ALG9: variants seen among roughly 807,000 people sequenced by gnomAD.
ALG9 encodes the protein alpha-1,2-mannosyltransferase ALG9.
In ALG9, 55 loss-of-function variants were observed where a neutral mutation model predicts 81.8. The observed-to-expected ratio is 0.67, with a 90% CI of 0.54 to 0.84. ALG9 has a LOEUF of 0.84. Ranked by LOEUF, ALG9 falls within the 40% of genes least tolerant of loss-of-function variation. ALG9 has a pLI of 0.00. For missense variants in ALG9, 629 were observed against 745.0 expected (o/e 0.84, Z 1.81); for synonymous variants, 278 against 274.3 (o/e 1.01, Z -0.13).
At chr11:111,794,970 A>C (rs1324010071) in intron 14 of ALG9, among the ~76,000 whole-genome samples, 2 of 152,224 alleles carry the variant, frequency 1.3e-5, no homozygotes, top group Non-Finnish European at 2.9e-5. Flanking sequence ...TGGAGCAAAA[A>C]TGTGACTGTT....
chr11:111,819,825 ATACACCTGGTGCCTGG>A (rs1952043238), intron 13 of ALG9, among the ~76,000 whole-genome samples: 1 of 152,192 alleles, frequency 6.6e-6, no homozygotes, highest in Admixed American at 6.5e-5. Flanking sequence ...TATAAGCACA[ATACACCTGGTGCCTGG>A]TACAGTACCT....
chr11:111,847,927 C>G (rs1957166152), intron 8 of ALG9, among the ~76,000 whole-genome samples: 1 of 152,198 alleles, frequency 6.6e-6, no homozygotes, highest in African/African-American at 2.4e-5. Flanking sequence ...TAGATTGGAT[C>G]CTATCTTCTC....
chr11:111,825,031 A>T lies in ALG9; in HGVS notation c.1602+11134T>A, dbSNP rs1437709515. ...AATCTGCCAAATACCAACCTCTGTC[A>T]ATTTACATTAGAAACAAACGACAGG... is the stretch of plus-strand genomic sequence containing the variant. On this transcript the variant is annotated intron_variant, in intron 13 of 14. Transcript: ENST00000616540. Among the ~76,000 whole-genome samples, 7 of 152,318 alleles carry T rather than the reference A, an allele frequency of 4.6e-5. No individual in the cohort carries two copies. In the East Asian group the frequency reaches 1.3e-3, roughly 29 times the overall value.
Position 111,785,354 on chromosome 11 carries a change from T to C in ALG9, c.*1043A>G, listed in dbSNP as rs1014037482. 1.3e-5 allele frequency: 2 copies of C among 152,296 alleles called. No homozygotes were observed. Among genetic ancestry groups the C allele is most frequent in the South Asian group, 4.1e-4 (2 of 4,838 alleles). 9.4% of individuals were successfully genotyped at this position (152,296 alleles called of 1,614,324 possible). A position where few individuals can be genotyped will look rare whatever the true frequency, so the allele number is the denominator to read the frequency against. On this transcript the variant is annotated 3_prime_UTR_variant, in exon 15 of 15. Transcript: ENST00000616540. ...CTGACTGTAAAGGCTTTTAAAGTAA[T>C]AGTATACACTTATCACATTTTAATT... is the stretch of plus-strand genomic sequence containing the variant.
intron 1 of ALG9, chr11:111,870,659 C>T: frequency 1.1e-6 from 1 of 881,706 alleles, no homozygotes; most frequent in Non-Finnish European, 1.4e-6. Context: ...GAAGAATTGA[C>T]TTTAATCACT....
At chr11:111,858,706 C>T (rs1959103263) in intron 5 of ALG9, among the ~76,000 whole-genome samples, 1 of 152,166 alleles carries the variant, frequency 6.6e-6, no homozygotes, top group South Asian at 2.1e-4. Flanking sequence ...TCTGCCTCTT[C>T]TGCTGCAGAA....
At chr11:111,860,057 T>C (rs1390798499) in intron 5 of ALG9, among the ~76,000 whole-genome samples, 1 of 152,106 alleles carries the variant, frequency 6.6e-6, no homozygotes, top group Non-Finnish European at 1.5e-5. Context: ...CAGCAGAAGA[T>C]GCACATAGAA....
At chr11:111,813,894 G>A (rs1555094241) in intron 13 of ALG9, among the ~76,000 whole-genome samples, 1 of 152,098 alleles carries the variant, frequency 6.6e-6, no homozygotes, top group African/African-American at 2.4e-5. Flanking sequence ...AAAACTATTT[G>A]GCAAAATCTA....
intron 4 of ALG9, among the ~76,000 whole-genome samples, chr11:111,863,321 G>A (rs1207643078): frequency 1.3e-5 from 2 of 152,062 alleles, no homozygotes; most frequent in Admixed American, 1.3e-4. Flanking sequence ...TCATGCCACT[G>A]CACTCCAGCC....
At position 111,804,950 on chromosome 11, in the gene ALG9, C is replaced by T. The variant is rs61899417; in HGVS notation, c.1733+4693G>A. ...CTTACCATACAATCCAGCAATCATA[C>T]GCCTTGGTATTACCCAAAGGAGTTG... On this transcript the variant is annotated intron_variant, in intron 14 of 14. Transcript: ENST00000616540. 1,579 of 192,812 alleles carry T rather than the reference C, an allele frequency of 8.2e-3. 8 individuals are homozygous for T. The highest frequency in any genetic ancestry group is 0.013 in the African/African-American group (558 of 42,272). 11.9% of individuals were successfully genotyped at this position (192,812 alleles called of 1,614,324 possible). A position where few individuals can be genotyped will look rare whatever the true frequency, so the allele number is the denominator to read the frequency against.
At position 111,788,188 on chromosome 11, in the gene ALG9, G is replaced by A. The variant is rs149416462; in HGVS notation, c.1734-1668C>T. 2.1e-3 allele frequency among the ~76,000 whole-genome samples: 322 copies of A among 152,310 alleles called. 6 individuals carry two copies. The South Asian group carries it at 0.029, about 14-fold the overall frequency. ...TAAATGTCATGTCAACGTGGCATTT[G>A]TACTGGCAGCCTAACCTTGGGTTTG... On this transcript the variant is annotated intron_variant, in intron 14 of 14. Coordinates refer to ENST00000616540, the MANE Select transcript of ALG9 (RefSeq NM_024740.2).
At chr11:111,857,102 C>T (rs1345454579) in intron 6 of ALG9, among the ~76,000 whole-genome samples, 5 of 151,764 alleles carry the variant, frequency 3.3e-5, no homozygotes, top group East Asian at 1.9e-4. Context: ...AGTGAAACTC[C>T]GTCTCAAAAT....
intron 8 of ALG9, 134 bp downstream of exon 8, chr11:111,853,246 A>C: frequency 1.4e-6 from 1 of 732,586 alleles, no homozygotes; most frequent in Non-Finnish European, 2.5e-6. Flanking sequence ...CTCAGATGTC[A>C]TTTTTAAATA....
intron 13 of ALG9, among the ~76,000 whole-genome samples, chr11:111,816,844 G>A (rs1200200567): frequency 1.3e-5 from 2 of 152,174 alleles, no homozygotes; most frequent in African/African-American, 4.8e-5. Flanking sequence ...ACAGGCATGA[G>A]CAACCACACC....
chr11:111,779,293 G>C (rs1257761289), downstream of ALG9, among the ~76,000 whole-genome samples: 2 of 152,042 alleles, frequency 1.3e-5, no homozygotes, highest in Non-Finnish European at 2.9e-5. Flanking sequence ...GAGTTAAGAT[G>C]ATCAGTCAAA....
chr11:111,844,754 A>G, intron 8 of ALG9, 31 bp from the exon 9 acceptor site: 1 of 1,611,310 alleles, frequency 6.2e-7, no homozygotes, highest in Non-Finnish European at 8.5e-7. Flanking sequence ...AGAAATCATT[A>G]GTGGATGCCT....
At position 111,837,618 on chromosome 11, in the gene ALG9, G is replaced by A. The variant is rs889338209; in HGVS notation, c.1325-3C>T. On this transcript the variant is annotated splice_polypyrimidine_tract_variant and splice_region_variant and intron_variant, in intron 11 of 14. Coordinates refer to ENST00000616540, the MANE Select transcript of ALG9 (RefSeq NM_024740.2). ...CAAATCAAGGGGCCCGTGATATCCTGGAAGGGAGAACAGTTAGTGAGAGCC... is the reference window on the plus strand; with the variant it reads ...CAAATCAAGGGGCCCGTGATATCCTAGAAGGGAGAACAGTTAGTGAGAGCC... 7 of 1,613,714 alleles carry A rather than the reference G, an allele frequency of 4.3e-6. No individual in the cohort carries two copies. The highest frequency in any genetic ancestry group is 5.9e-6 in the Non-Finnish European group (7 of 1,179,832).
Position 111,784,130 on chromosome 11 carries a change from G to A in ALG9, c.*2267C>T, listed in dbSNP as rs1353289763. 1.3e-5 allele frequency: 2 copies of A among 152,184 alleles called. No homozygotes were observed. Among genetic ancestry groups the A allele is most frequent in the African/African-American group, 4.8e-5 (2 of 41,424 alleles). 9.4% of individuals were successfully genotyped at this position (152,184 alleles called of 1,614,324 possible). On this transcript the variant is annotated 3_prime_UTR_variant, in exon 15 of 15. Transcript: ENST00000616540. ...TTCACTTAAAATTCTCTGTCCTGTA[G>A]TCAGATCATATGTGCTAGTTTTACA...
intron 8 of ALG9, among the ~76,000 whole-genome samples, chr11:111,853,139 T>C (rs1437446600): frequency 6.7e-6 from 1 of 149,226 alleles, no homozygotes; most frequent in Non-Finnish European, 1.5e-5. Flanking sequence ...ACTCTGAAAG[T>C]GAAAATAACA....
Sources: allele counts gnomAD v4.1 joint callset (sites outside exome capture counted in the v4.1 genomes callset), GRCh38; gene constraint gnomAD v4.1.1; transcripts MANE v1.5; gene names NCBI Gene and HGNC (gene_info 2026-07-23, HGNC 2026-07-21).